The following HNRNPF variants were observed in gnomAD, a reference collection of about 807,000 sequenced individuals.
The protein encoded by HNRNPF is HnRNP F protein.
HNRNPF carries 2 observed loss-of-function variants against 26.0 expected under a neutral mutation model. That is an observed-to-expected ratio of 0.08 (90% CI 0.03 to 0.24). HNRNPF has a LOEUF of 0.24. Ranked by LOEUF, HNRNPF falls within the 10% of genes least tolerant of loss-of-function variation. The probability of loss-of-function intolerance (pLI) is 1.00; values close to 1 mark genes in which losing one functional copy is unlikely to be tolerated. For synonymous variants in HNRNPF, 234 were observed against 211.5 expected, an observed-to-expected ratio of 1.11 and a Z score of -0.92; for missense variants, 299 against 539.2, an observed-to-expected ratio of 0.55 and a Z score of 4.41.
In HNRNPF at chr10:43,386,443, TTA is replaced by T. The variant is rs1367161876; in HGVS notation, c.*192_*193del. On this transcript the variant is annotated 3_prime_UTR_variant, in exon 4 of 4. Coordinates refer to ENST00000682386, the MANE Select transcript of HNRNPF (RefSeq NM_001098204.2). The stretch of plus-strand genomic sequence containing the variant: ...TAATTGAGAAAAGCTGAAAATAGTT[TTA>T]GTTTACTCATTATCACATGCTAGAA... 7.5e-5 allele frequency: 40 copies of T among 533,948 alleles called. No individual in the cohort carries two copies. The highest frequency in any genetic ancestry group is 3.9e-4 in the East Asian group (13 of 33,460). The allele number at this position is 533,948 out of a possible 1,614,324, so 33.1% of individuals were successfully genotyped here. A position where few individuals can be genotyped will look rare whatever the true frequency, so the allele number is the denominator to read the frequency against.
In HNRNPF at chr10:43,398,630, G is replaced by A. The variant is rs542110038; in HGVS notation, c.-246-2040C>T. Among the ~76,000 whole-genome samples the A allele has an allele frequency of 9.9e-5, 15 of 151,384 alleles. No homozygotes were observed. The South Asian group carries it at 1.3e-3, about 13-fold the overall frequency. ...GCTGGGATTACAGGTGTGAGCCACC[G>A]CGCCCGGCCTGTTTTACGTTTTTAA... On this transcript the variant is annotated intron_variant, in intron 1 of 3. Transcript: ENST00000682386.
intron 3 of HNRNPF, among the ~76,000 whole-genome samples, chr10:43,389,516 CA>C (rs1838161502): frequency 6.6e-6 from 1 of 152,176 alleles, no homozygotes; most frequent in Non-Finnish European, 1.5e-5. Context: ...TTGATGTAGC[CA>C]TTGCAGATAA....
intron 3 of HNRNPF, among the ~76,000 whole-genome samples, chr10:43,390,034 T>C (rs1838181309): frequency 6.6e-6 from 1 of 152,218 alleles, no homozygotes; most frequent in Non-Finnish European, 1.5e-5. Context: ...CCTTAGAAAG[T>C]AATGGTCTCC....
intron 1 of HNRNPF, among the ~76,000 whole-genome samples, chr10:43,405,329 T>G (rs1838878634): frequency 6.6e-6 from 1 of 152,208 alleles, no homozygotes. Flanking sequence ...AGGTGTGACT[T>G]TGGATCCTGA....
At chr10:43,398,015 A>G (rs1342479739) in intron 1 of HNRNPF, among the ~76,000 whole-genome samples, 13 of 152,096 alleles carry the variant, frequency 8.5e-5, no homozygotes, top group African/African-American at 3.1e-4. Context: ...TGTATGTTTG[A>G]CTGTTTTGTT....
intron 1 of HNRNPF, among the ~76,000 whole-genome samples, chr10:43,405,901 A>G (rs61858962): frequency 0.028 from 4,252 of 152,138 alleles, 95 homozygotes; most frequent in South Asian, 0.041. Flanking sequence ...ACCGTAGCTC[A>G]GGGCAACTAA....
chr10:43,406,606 A>T (rs1838926217), intron 1 of HNRNPF, among the ~76,000 whole-genome samples: 1 of 152,120 alleles, frequency 6.6e-6, no homozygotes, highest in Non-Finnish European at 1.5e-5. Flanking sequence ...AGGTGGGAGG[A>T]TCCGTTGAGC....
At chr10:43,408,699 G>A (rs890675776) in intron 1 of HNRNPF, 1 of 151,296 alleles carries the variant, frequency 6.6e-6, no homozygotes, top group Non-Finnish European at 1.5e-5. Flanking sequence ...TGCGGCCTTC[G>A]ACCTCGGAGA....
chr10:43,407,539 G>A (rs1838965574), intron 1 of HNRNPF, among the ~76,000 whole-genome samples: 1 of 152,148 alleles, frequency 6.6e-6, no homozygotes, highest in African/African-American at 2.4e-5. Context: ...ACGACTCTGC[G>A]GTTGGGGGAG....
chr10:43,402,027 C>T (rs1435951946), intron 1 of HNRNPF, among the ~76,000 whole-genome samples: 3 of 149,724 alleles, frequency 2.0e-5, no homozygotes, highest in Non-Finnish European at 3.0e-5. Flanking sequence ...TAACATACCA[C>T]ACCTCAGGTT....
rs780029236 is a variant in HNRNPF at position 43,387,569 on chromosome 10, C to T, written c.316G>A (p.Asp106Asn). The stretch of plus-strand genomic sequence containing the variant: ...CGCACGAAGCCATCGTTGGCGCTGT[C>T]GGCACTGTTGGGACCACTGTGCTTC... Reference protein sequence around the residue: ...VLKHSGPNSADSANDGFVRLR... With the variant: ...VLKHSGPNSANSANDGFVRLR... The change falls in exon 4 of 4, where the codon GAC (aspartate) becomes AAC (asparagine). Residue 106 changes from aspartate (D) to asparagine (N), a missense_variant. Asp to Asn is a conservative substitution (Grantham distance 23). This residue lies in a region of HNRNPF where 104 missense variants were observed against 239.0 expected (regional missense o/e 0.44). Transcript: ENST00000682386. The surrounding 1 kb of genome is among the most constrained non-coding windows in gnomAD (Gnocchi z 6.0). 3 of 1,614,170 alleles carry T rather than the reference C, an allele frequency of 1.9e-6. No homozygotes were observed. In the East Asian group the frequency reaches 6.7e-5, roughly 36 times the overall value.
chr10:43,407,285 G>T (rs1310535213), intron 1 of HNRNPF, among the ~76,000 whole-genome samples: 1 of 151,596 alleles, frequency 6.6e-6, no homozygotes, highest in African/African-American at 2.4e-5. Context: ...CTCGCGTCCC[G>T]CCACGCAGAT....
intron 2 of HNRNPF, among the ~76,000 whole-genome samples, chr10:43,395,182 A>T (rs1399098602): frequency 1.3e-5 from 2 of 152,134 alleles, no homozygotes; most frequent in Non-Finnish European, 2.9e-5. Flanking sequence ...TGACAACCAC[A>T]GGGGACTTGA....
At chr10:43,394,055 C>A (rs1407739599) in intron 3 of HNRNPF, among the ~76,000 whole-genome samples, 1 of 152,140 alleles carries the variant, frequency 6.6e-6, no homozygotes, top group Non-Finnish European at 1.5e-5. Flanking sequence ...GGTCTTAAAC[C>A]CACAATAGGA....
intron 1 of HNRNPF, among the ~76,000 whole-genome samples, chr10:43,406,432 G>C (rs1285154280): frequency 6.6e-6 from 1 of 152,134 alleles, no homozygotes; most frequent in African/African-American, 2.4e-5. Context: ...GATGGCTCAC[G>C]CCTGTAATCC....
chr10:43,401,850 C>T (rs1838764294), intron 1 of HNRNPF, among the ~76,000 whole-genome samples: 1 of 152,126 alleles, frequency 6.6e-6, no homozygotes, highest in Admixed American at 6.6e-5. Flanking sequence ...AAACATGACA[C>T]CTTAGTCAGG....
At chr10:43,395,094 ACT>A (rs1838422736) in intron 2 of HNRNPF, among the ~76,000 whole-genome samples, 1 of 151,816 alleles carries the variant, frequency 6.6e-6, no homozygotes, top group Non-Finnish European at 1.5e-5. Context: ...AAGTTTGTAC[ACT>A]GAGGACCCTA....
intron 3 of HNRNPF, among the ~76,000 whole-genome samples, chr10:43,389,686 G>A (rs1354653730): frequency 1.3e-5 from 2 of 152,196 alleles, no homozygotes; most frequent in Non-Finnish European, 2.9e-5. Flanking sequence ...AAATGAAACA[G>A]AACAGTATGT....
intron 3 of HNRNPF, among the ~76,000 whole-genome samples, chr10:43,389,608 CTG>C (rs1838165489): frequency 6.6e-6 from 1 of 152,124 alleles, no homozygotes; most frequent in Non-Finnish European, 1.5e-5. Flanking sequence ...TCAAATTTAC[CTG>C]TGTCTACACC....
Sources: allele counts gnomAD v4.1 joint callset (sites outside exome capture counted in the v4.1 genomes callset), GRCh38; gene constraint gnomAD v4.1.1; regional missense constraint gnomAD v4.1.1; non-coding constraint Gnocchi (gnomAD v3.1); transcripts MANE v1.5; gene names NCBI Gene and HGNC (gene_info 2026-07-23, HGNC 2026-07-21).